The following HSCB variants were observed in gnomAD, a reference collection of about 807,000 sequenced individuals.
HSCB encodes the protein HscB mitochondrial iron-sulfur cluster cochaperone.
In HSCB, 23 loss-of-function variants were observed where a neutral mutation model predicts 31.3. The observed-to-expected ratio is 0.74, with a 90% CI of 0.53 to 1.04. HSCB has a LOEUF of 1.04. Among genes scored for constraint, HSCB ranks in the 50% least tolerant of loss-of-function variants. HSCB has a pLI of 0.00. For missense variants in HSCB, 297 were observed against 288.1 expected, an observed-to-expected ratio of 1.03 and a Z score of -0.22; for synonymous variants, 110 against 104.5, an observed-to-expected ratio of 1.05 and a Z score of -0.32.
chr22:28,744,816 C>T (rs935050965), intron 3 of HSCB, 112 bp downstream of exon 3: 2 of 827,908 alleles, frequency 2.4e-6, no homozygotes, highest in Non-Finnish European at 4.1e-6. Flanking sequence ...GGCATGGTGG[C>T]TCACACCTGT....
At chr22:28,749,817 G>A (rs1189569787) in intron 4 of HSCB, among the ~76,000 whole-genome samples, 2 of 152,062 alleles carry the variant, frequency 1.3e-5, no homozygotes, top group Non-Finnish European at 2.9e-5. Context: ...CTGGAGTGAG[G>A]GCAGCGTGCT....
chr22:28,752,610 T>C (rs1048004864), intron 5 of HSCB, among the ~76,000 whole-genome samples: 2 of 151,056 alleles, frequency 1.3e-5, no homozygotes, highest in African/African-American at 4.9e-5. Context: ...GGTGACCGTC[T>C]GTAGTCCCAG....
At chr22:28,756,891 A>G (rs1329767789) in intron 5 of HSCB, among the ~76,000 whole-genome samples, 187 bp from the exon 6 acceptor site, 1 of 152,060 alleles carries the variant, frequency 6.6e-6, no homozygotes, top group Non-Finnish European at 1.5e-5. Flanking sequence ...CTCTCGCCCC[A>G]TTTGGTTTAT....
In HSCB at chr22:28,742,215, C is replaced by T. The variant is rs762495357; in HGVS notation, c.120C>T (p.Arg40=). ...CGCAGGCGGGAAGCAATTATCCCCG[C>T]TGTTGGAACTGCGGCGGCCCATGGG... is the stretch of plus-strand genomic sequence containing the variant. ...AASQAGSNYP[R]CWNCGGPWGP... is the part of the protein sequence containing the mutation. Residue 40 remains arginine, a synonymous_variant, in exon 1 of 6, where the codon CGC becomes CGT. Transcript: ENST00000216027. The T allele has an allele frequency of 3.1e-6, 5 of 1,613,864 alleles. No homozygotes were observed. In the African/African-American group the frequency reaches 5.3e-5, roughly 17 times the overall value.
chr22:28,757,151 AAAG>A lies in HSCB; in HGVS notation c.695_697del (p.Lys232del). 6.5e-7 allele frequency: 1 copy of A among 1,528,930 alleles called. No homozygotes were observed. Among genetic ancestry groups the A allele is most frequent in the Non-Finnish European group, 9.1e-7 (1 of 1,103,402 alleles). 94.7% of individuals were successfully genotyped at this position (1,528,930 alleles called of 1,614,324 possible). On this transcript the variant is annotated inframe_deletion, in exon 6 of 6. Transcript: ENST00000216027. Reference sequence around the variant, plus strand: ...CAAATATAGAAGAAAAGATCAAGTTAAAGAAGATTCCCCTTTAATTGTGGATAG... The same window carrying A: ...CAAATATAGAAGAAAAGATCAAGTTAAAGATTCCCCTTTAATTGTGGATAG...
intron 5 of HSCB, among the ~76,000 whole-genome samples, chr22:28,755,960 G>C (rs1031186872): frequency 5.3e-5 from 8 of 152,072 alleles, no homozygotes; most frequent in Non-Finnish European, 1.0e-4. Flanking sequence ...AAAATCACTG[G>C]TCTGGCCAGG....
intron 5 of HSCB, among the ~76,000 whole-genome samples, chr22:28,752,183 C>G (rs1182894403): frequency 6.6e-6 from 1 of 152,036 alleles, no homozygotes; most frequent in Non-Finnish European, 1.5e-5. Flanking sequence ...GTGGCTCACA[C>G]TTGTAATCCC....
chr22:28,748,757 T>A (rs1601396182), intron 4 of HSCB, among the ~76,000 whole-genome samples: 2 of 152,162 alleles, frequency 1.3e-5, no homozygotes, highest in Admixed American at 1.3e-4. Flanking sequence ...CCTCAGGTGA[T>A]CCATCCATCT....
rs751442421 is a variant in HSCB, at chr22:28,757,142, G to T, written c.681G>T (p.Lys227Asn). 2.6e-6 allele frequency: 4 copies of T among 1,562,070 alleles called. No homozygotes were observed. Among genetic ancestry groups the T allele is most frequent in the Middle Eastern group, 1.8e-4 (1 of 5,662 alleles). The change falls in exon 6 of 6, where the codon AAG becomes AAT. Residue 227 changes from lysine to asparagine, a missense_variant. Lys to Asn is a moderately conservative substitution (Grantham distance 94, BLOSUM62 0). Transcript: ENST00000216027. ...GATACTTTTCAAATATAGAAGAAAA[G>T]ATCAAGTTAAAGAAGATTCCCCTTT... ...KMRYFSNIEE[K>N]IKLKKIPL
At chr22:28,755,149 G>A (rs11090546) in intron 5 of HSCB, among the ~76,000 whole-genome samples, 15,214 of 146,482 alleles carry the variant, frequency 0.1, 873 homozygotes, top group East Asian at 0.19. Flanking sequence ...GGTGGCTCAC[G>A]CCTGTAATCC....
intron 5 of HSCB, among the ~76,000 whole-genome samples, chr22:28,755,871 C>G (rs575209606): frequency 6.6e-6 from 1 of 152,162 alleles, no homozygotes; most frequent in African/African-American, 2.4e-5. Flanking sequence ...GATGTCAGTA[C>G]TACCTCCCAG....
At chr22:28,751,626 G>A (rs910420385) in intron 5 of HSCB, among the ~76,000 whole-genome samples, 6 of 151,924 alleles carry the variant, frequency 3.9e-5, no homozygotes, top group Admixed American at 2.0e-4. Context: ...AACGCCTGTA[G>A]TCCCAGCTAC....
chr22:28,748,525 GT>G (rs1003333606), intron 4 of HSCB, among the ~76,000 whole-genome samples: 3 of 148,918 alleles, frequency 2.0e-5, no homozygotes, highest in Non-Finnish European at 4.5e-5. Context: ...GTTTTGTTTT[GT>G]TTTTGAGACA....
intron 5 of HSCB, among the ~76,000 whole-genome samples, 159 bp from the exon 6 acceptor site, chr22:28,756,919 A>G (rs1263814920): frequency 1.3e-5 from 2 of 152,196 alleles, no homozygotes; most frequent in South Asian, 2.1e-4. Flanking sequence ...TCTCCTTAAC[A>G]ATCCAGATGT....
At chr22:28,754,845 G>C (rs995084475) in intron 5 of HSCB, among the ~76,000 whole-genome samples, 3 of 150,408 alleles carry the variant, frequency 2.0e-5, no homozygotes, top group African/African-American at 7.3e-5. Flanking sequence ...GCCCAGGCTA[G>C]AGTACTGTGG....
chr22:28,750,762 C>T (rs2030173159), intron 4 of HSCB, among the ~76,000 whole-genome samples: 1 of 152,020 alleles, frequency 6.6e-6, no homozygotes, highest in African/African-American at 2.4e-5. Flanking sequence ...GGCATCTTCT[C>T]CCTTATGACA....
intron 4 of HSCB, among the ~76,000 whole-genome samples, chr22:28,749,233 C>T (rs2030061442): frequency 6.6e-6 from 1 of 152,074 alleles, no homozygotes; most frequent in African/African-American, 2.4e-5. Flanking sequence ...GCCTCTGCTT[C>T]TCTCTGTTTT....
rs2030655988 is a variant in HSCB, at chr22:28,757,100, A to G, written c.639A>G (p.Glu213=). The change falls in exon 6 of 6, where the codon GAA becomes GAG. Residue 213 remains glutamate (E), a synonymous_variant. Transcript: ENST00000216027. ...CAGATGACTTTGAAGAAGCCAAGGA[A>G]ATTTTGACAAAGATGAGATACTTTT... ...FEQDDFEEAK[E]ILTKMRYFSN... is the part of the protein sequence containing the mutation. 5.1e-6 allele frequency: 8 copies of G among 1,571,224 alleles called. No homozygotes were observed. The highest frequency in any genetic ancestry group is 6.1e-6 in the Non-Finnish European group (7 of 1,141,408).
intron 4 of HSCB, among the ~76,000 whole-genome samples, chr22:28,750,247 C>CAAAAAAAAAAAAAAA (rs563701958): frequency 1.5e-4 from 10 of 64,714 alleles, no homozygotes; most frequent in East Asian, 7.6e-4. Flanking sequence ...GAAACTGTCT[C>CAAAAAAAAAAAAAAA]AAAAAAAAAA....
Sources: gnomAD v4.1 joint callset for allele counts (sites outside exome capture counted in the v4.1 genomes callset) on GRCh38, gnomAD v4.1.1 for gene constraint, MANE v1.5 for transcripts, NCBI Gene and HGNC (gene_info 2026-07-23, HGNC 2026-07-21) for gene names.